The following SUGCT variants were observed in gnomAD, a reference collection of about 807,000 sequenced individuals.
SUGCT encodes the protein succinyl-CoA:glutarate-CoA transferase.
SUGCT carries 41 observed loss-of-function variants against 55.0 expected under a neutral mutation model. The ratio of observed to expected loss-of-function variants is 0.74; its 90% CI spans 0.58 to 0.97. The LOEUF is 0.97. Ranked by LOEUF, SUGCT falls within the 50% of genes least tolerant of loss-of-function variation. SUGCT has a pLI of 0.00. For missense variants in SUGCT, 568 were observed against 547.8 expected, an observed-to-expected ratio of 1.04 and a Z score of -0.37; for synonymous variants, 187 against 200.4, an observed-to-expected ratio of 0.93 and a Z score of 0.56.
At chr7:40,135,993 T>C (rs1164712970) in intron 1 of SUGCT, among the ~76,000 whole-genome samples, 1 of 148,896 alleles carries the variant, frequency 6.7e-6, no homozygotes, top group Non-Finnish European at 1.5e-5. Context: ...AGTTGCAGGA[T>C]GCAGGATTTT....
chr7:40,406,805 C>T (rs1471131078), intron 9 of SUGCT, among the ~76,000 whole-genome samples: 1 of 152,090 alleles, frequency 6.6e-6, no homozygotes, highest in Non-Finnish European at 1.5e-5. Flanking sequence ...AATAATATTG[C>T]AAAGTATACT....
At chr7:40,648,438 T>C (rs1035097877) in intron 12 of SUGCT, among the ~76,000 whole-genome samples, 1 of 152,240 alleles carries the variant, frequency 6.6e-6, no homozygotes, top group Non-Finnish European at 1.5e-5. Flanking sequence ...TTTTCAGGTA[T>C]ATACCTTTTG....
At chr7:40,954,153 G>A in the SUGCT span, among the ~76,000 whole-genome samples, 9 of 152,180 alleles carry the variant, frequency 5.9e-5, no homozygotes, top group Non-Finnish European at 1.0e-4. Flanking sequence ...CAGCAATGGC[G>A]GGTGCCCCTC....
intron 9 of SUGCT, among the ~76,000 whole-genome samples, chr7:40,376,359 T>C (rs1412236742): frequency 6.6e-6 from 1 of 152,122 alleles, no homozygotes; most frequent in Non-Finnish European, 1.5e-5. Flanking sequence ...ATATAGTTTT[T>C]CTATTTGCAA....
the SUGCT span, among the ~76,000 whole-genome samples, chr7:40,922,449 G>A: frequency 6.6e-6 from 1 of 152,230 alleles, no homozygotes; most frequent in South Asian, 2.1e-4. Context: ...TCATATTCAC[G>A]CCTCAGGAGT....
chr7:40,340,546 T>G (rs1360395930), intron 9 of SUGCT, among the ~76,000 whole-genome samples: 2 of 152,120 alleles, frequency 1.3e-5, no homozygotes, highest in Admixed American at 6.5e-5. Flanking sequence ...ATACGTCATA[T>G]CAAAGATTAG....
chr7:41,026,305 C>T, the SUGCT span, among the ~76,000 whole-genome samples: 79 of 152,284 alleles, frequency 5.2e-4, no homozygotes, highest in African/African-American at 1.8e-3. Flanking sequence ...ACCTGGTCAG[C>T]GCTGTCCCCA....
intron 13 of SUGCT, among the ~76,000 whole-genome samples, chr7:40,812,816 A>C (rs544498571): frequency 6.6e-6 from 1 of 152,000 alleles, no homozygotes; most frequent in African/African-American, 2.4e-5. Flanking sequence ...TTAGATTGTT[A>C]ATTTGAGATC....
At chr7:40,210,045 T>G (rs938409601) in intron 6 of SUGCT, among the ~76,000 whole-genome samples, 1 of 152,040 alleles carries the variant, frequency 6.6e-6, no homozygotes, top group Non-Finnish European at 1.5e-5. Flanking sequence ...ATACCTTGAA[T>G]TTTCTATTTT....
At chr7:40,885,004 A>G in the SUGCT span, among the ~76,000 whole-genome samples, 4 of 152,176 alleles carry the variant, frequency 2.6e-5, no homozygotes, top group Non-Finnish European at 5.9e-5. Flanking sequence ...TGGTTTCCTC[A>G]TTATTAAAGA....
chr7:40,946,946 T>C, the SUGCT span, among the ~76,000 whole-genome samples: 2 of 152,218 alleles, frequency 1.3e-5, no homozygotes, highest in Admixed American at 6.5e-5. Context: ...CTGAATCTCA[T>C]TGAGTTTATC....
intron 8 of SUGCT, among the ~76,000 whole-genome samples, chr7:40,281,869 T>C (rs1393677245): frequency 6.6e-6 from 1 of 152,070 alleles, no homozygotes; most frequent in Non-Finnish European, 1.5e-5. Flanking sequence ...ACCCAGGCTG[T>C]CCAGTTTAGC....
intron 13 of SUGCT, among the ~76,000 whole-genome samples, chr7:40,785,967 T>C (rs148033878): frequency 6.6e-6 from 1 of 152,198 alleles, no homozygotes; most frequent in East Asian, 1.9e-4. Flanking sequence ...ATGGTGGTAA[T>C]GCATGTCTGC....
At chr7:40,611,492 T>C (rs1798766560) in intron 12 of SUGCT, among the ~76,000 whole-genome samples, 1 of 152,162 alleles carries the variant, frequency 6.6e-6, no homozygotes, top group Non-Finnish European at 1.5e-5. Context: ...GGTTACTGGA[T>C]CTTCATGTGG....
At chr7:40,136,490 CACAG>C (rs1388955469) in intron 1 of SUGCT, among the ~76,000 whole-genome samples, 2 of 152,192 alleles carry the variant, frequency 1.3e-5, no homozygotes, top group African/African-American at 2.4e-5. Context: ...TGGAGACACA[CACAG>C]ACAGTTTTTT....
intron 12 of SUGCT, among the ~76,000 whole-genome samples, chr7:40,675,922 A>G (rs1165847258): frequency 1.3e-5 from 2 of 152,214 alleles, no homozygotes; most frequent in Non-Finnish European, 2.9e-5. Flanking sequence ...TAGACAAGAA[A>G]GATGTCTGTG....
chr7:40,785,626 C>T (rs963955892), intron 13 of SUGCT, among the ~76,000 whole-genome samples: 1 of 152,032 alleles, frequency 6.6e-6, no homozygotes, highest in African/African-American at 2.4e-5. Context: ...CTTTTATTTG[C>T]AGCACACGGT....
chr7:40,413,180 G>A (rs967272426), intron 9 of SUGCT, among the ~76,000 whole-genome samples: 2 of 152,146 alleles, frequency 1.3e-5, no homozygotes, highest in African/African-American at 4.8e-5. Context: ...CAAGCAATTT[G>A]GAGAAGGTGG....
intron 9 of SUGCT, among the ~76,000 whole-genome samples, chr7:40,343,422 G>A (rs2151181930): frequency 6.6e-6 from 1 of 152,142 alleles, no homozygotes; most frequent in Admixed American, 6.5e-5. Context: ...TAAGGCTGAG[G>A]AAACAGAAAT....
Sources: allele counts gnomAD v4.1 joint callset (sites outside exome capture counted in the v4.1 genomes callset), GRCh38; gene constraint gnomAD v4.1.1; transcripts MANE v1.5; gene names NCBI Gene and HGNC (gene_info 2026-07-23, HGNC 2026-07-21).